ETV6: variants seen among roughly 807,000 people sequenced by gnomAD.
The protein encoded by ETV6 is ETS variant transcription factor 6.
Under a neutral mutation model 51.1 loss-of-function variants are expected in ETV6, and 16 were observed. That is an observed-to-expected ratio of 0.31 (90% CI 0.21 to 0.48). ETV6 has a LOEUF of 0.48. Ranked by LOEUF, ETV6 falls within the 20% of genes least tolerant of loss-of-function variation. The pLI is 0.99. For synonymous variants in ETV6, 240 were observed against 224.1 expected (o/e 1.07, Z -0.64); for missense variants, 458 against 594.8 (o/e 0.77, Z 2.39).
intron 1 of ETV6, among the ~76,000 whole-genome samples, chr12:11,736,870 A>G (rs1051354247): frequency 1.6e-4 from 24 of 152,224 alleles, no homozygotes; most frequent in Admixed American, 1.3e-3. Flanking sequence ...TGGCACTAGA[A>G]ATACTTTGAG....
At chr12:11,691,132 C>T (rs1466028413) in intron 1 of ETV6, among the ~76,000 whole-genome samples, 4 of 151,992 alleles carry the variant, frequency 2.6e-5, no homozygotes, top group South Asian at 2.1e-4. Flanking sequence ...GGCAGAAGGG[C>T]GGGGAGCTCT....
At chr12:11,672,135 CT>C (rs1053087935) in intron 1 of ETV6, among the ~76,000 whole-genome samples, 1 of 151,970 alleles carries the variant, frequency 6.6e-6, no homozygotes, top group Non-Finnish European at 1.5e-5. Context: ...TGAGAGGTGA[CT>C]TCTGGACCCT....
At chr12:11,884,303 C>A (rs2136594365) in intron 5 of ETV6, 142 bp from the exon 6 acceptor site, 1 of 939,006 alleles carries the variant, frequency 1.1e-6, no homozygotes, top group South Asian at 1.5e-5. Flanking sequence ...CCGTTTCTTC[C>A]CGGTAAAACA....
At chr12:11,660,424 G>A (rs1864079833) in intron 1 of ETV6, among the ~76,000 whole-genome samples, 2 of 151,974 alleles carry the variant, frequency 1.3e-5, no homozygotes, top group East Asian at 1.9e-4. Flanking sequence ...GGCCAACATG[G>A]TGAAACCCTG....
chr12:11,743,521 G>C (rs774870907), intron 1 of ETV6, among the ~76,000 whole-genome samples: 1 of 152,170 alleles, frequency 6.6e-6, no homozygotes. Flanking sequence ...CAGCTTTGCT[G>C]GGGCTGCCTA....
intron 2 of ETV6, among the ~76,000 whole-genome samples, chr12:11,793,024 G>A (rs910968756): frequency 4.0e-5 from 6 of 150,922 alleles, no homozygotes; most frequent in African/African-American, 1.2e-4. Context: ...ATCCACTAAT[G>A]TTTACATTTT....
At chr12:11,796,622 C>A (rs940481795) in intron 2 of ETV6, among the ~76,000 whole-genome samples, 1 of 152,234 alleles carries the variant, frequency 6.6e-6, no homozygotes, top group Non-Finnish European at 1.5e-5. Flanking sequence ...ACCACTGAAA[C>A]CAGAGCTTCC....
At chr12:11,878,254 G>A (rs1178571383) in intron 5 of ETV6, among the ~76,000 whole-genome samples, 1 of 152,170 alleles carries the variant, frequency 6.6e-6, no homozygotes, top group Non-Finnish European at 1.5e-5. Context: ...CCCTAAAAGA[G>A]GAGGAAGTTT....
intron 2 of ETV6, among the ~76,000 whole-genome samples, chr12:11,807,796 A>G (rs1945850855): frequency 6.6e-6 from 1 of 152,218 alleles, no homozygotes; most frequent in South Asian, 2.1e-4. Context: ...GATTGGACTG[A>G]CAAATTTTAT....
intron 3 of ETV6, among the ~76,000 whole-genome samples, chr12:11,851,141 G>T (rs1264161334): frequency 6.6e-6 from 1 of 151,642 alleles, no homozygotes; most frequent in Non-Finnish European, 1.5e-5. Flanking sequence ...ACACCAGCCC[G>T]CCTGGTTAAG....
intron 2 of ETV6, among the ~76,000 whole-genome samples, chr12:11,754,457 A>G (rs1944977451): frequency 2.0e-5 from 3 of 152,184 alleles, no homozygotes; most frequent in Admixed American, 1.3e-4. Flanking sequence ...CTCCTTAACT[A>G]TCTTCCACGA....
chr12:11,662,240 C>T (rs1864113348), intron 1 of ETV6, among the ~76,000 whole-genome samples: 1 of 152,028 alleles, frequency 6.6e-6, no homozygotes, highest in Admixed American at 6.6e-5. Flanking sequence ...TGGGATAAGG[C>T]CCCAGAGTGG....
chr12:11,810,980 C>G (rs1276616219), intron 2 of ETV6, among the ~76,000 whole-genome samples: 1 of 152,020 alleles, frequency 6.6e-6, no homozygotes, highest in Non-Finnish European at 1.5e-5. Context: ...AATTTTTAAA[C>G]ACCTCCAATG....
At chr12:11,716,872 A>ACAGTCTGTAAACTGAG (rs1440213886) in intron 1 of ETV6, 7 of 152,228 alleles carry the variant, frequency 4.6e-5, no homozygotes, top group Admixed American at 4.6e-4. Context: ...ACAGTTGTAC[A>ACAGTCTGTAAACTGAG]CAGTCTGTAA....
chr12:11,854,817 T>C (rs988894554), intron 4 of ETV6, among the ~76,000 whole-genome samples: 15 of 152,148 alleles, frequency 9.9e-5, no homozygotes, highest in African/African-American at 3.6e-4. Context: ...GAACTCAGTG[T>C]TGGGCCAGGG....
At chr12:11,828,413 C>G (rs7966531) in intron 2 of ETV6, among the ~76,000 whole-genome samples, 1,602 of 152,338 alleles carry the variant, frequency 0.011, 27 homozygotes, top group African/African-American at 0.036. Flanking sequence ...ACCCCCACTT[C>G]TAAGTGAGAA....
At chr12:11,660,331 G>A (rs1354459751) in intron 1 of ETV6, among the ~76,000 whole-genome samples, 2 of 152,134 alleles carry the variant, frequency 1.3e-5, no homozygotes, top group East Asian at 1.9e-4. Context: ...GGGGCGGGGC[G>A]TGGTGGCTCA....
intron 2 of ETV6, among the ~76,000 whole-genome samples, chr12:11,774,824 T>C (rs1423613495): frequency 6.6e-6 from 1 of 152,200 alleles, no homozygotes; most frequent in Non-Finnish European, 1.5e-5. Flanking sequence ...AGCAACTTGT[T>C]AGCTGGTCTC....
In ETV6 at chr12:11,893,353, TTCA is replaced by T. The variant is rs1475291019; in HGVS notation, c.*2308_*2310del. The stretch of plus-strand genomic sequence containing the variant: ...AGTGCAAGAACTCAGTCTCTTACTG[TTCA>T]AAGAATCTTAACAGTTGAATTATGG... On this transcript the variant is annotated 3_prime_UTR_variant, in exon 8 of 8. Transcript: ENST00000396373. 5.3e-6 allele frequency: 1 copy of T among 188,658 alleles called. No homozygotes were observed. The highest frequency in any genetic ancestry group is 7.2e-5 in the East Asian group (1 of 13,950). The allele number at this position is 188,658 out of a possible 1,614,324, so 11.7% of individuals were successfully genotyped here. A position where few individuals can be genotyped will look rare whatever the true frequency, so the allele number is the denominator to read the frequency against.
Sources: gnomAD v4.1 joint callset for allele counts (sites outside exome capture counted in the v4.1 genomes callset) on GRCh38, gnomAD v4.1.1 for gene constraint, MANE v1.5 for transcripts, NCBI Gene and HGNC (gene_info 2026-07-23, HGNC 2026-07-21) for gene names.